RBFOX1: variants seen among roughly 807,000 people sequenced by gnomAD.
RBFOX1 encodes the protein RNA binding fox-1 homolog 1.
A neutral mutation model predicts 57.7 loss-of-function variants in RBFOX1; 8 were observed. The ratio of observed to expected loss-of-function variants is 0.14; its 90% confidence interval spans 0.08 to 0.25. The LOEUF (loss-of-function observed/expected upper bound fraction) is 0.25, where lower values mean the gene tolerates loss of function less well. Among genes scored for constraint, RBFOX1 ranks in the 10% least tolerant of loss-of-function variants. The pLI is 1.00. For missense variants in RBFOX1, 611 were observed against 548.5 expected (o/e 1.11, Z -1.14); for synonymous variants, 326 against 222.4 (o/e 1.47, Z -4.15).
In RBFOX1 at chr16:6,624,930, C is replaced by T. The variant is rs138820326; in HGVS notation, c.-63-29673C>T. Among the ~76,000 whole-genome samples the T allele has an allele frequency of 3.6e-4, 54 of 152,058 alleles. 1 individual carries two copies. In the East Asian group the frequency reaches 9.5e-3, roughly 27 times the overall value. On this transcript the variant is annotated intron_variant, in intron 2 of 15. Coordinates refer to ENST00000550418, the MANE Select transcript of RBFOX1 (RefSeq NM_018723.4). ...GTAATCCCAGCACTTTGGTCGAGGTCGAGGCAGGTGGATCACTTGAGGTCA... is the reference window on the plus strand; with the variant it reads ...GTAATCCCAGCACTTTGGTCGAGGTTGAGGCAGGTGGATCACTTGAGGTCA...
chr16:6,203,185 A>G (rs1369283468), intron 1 of RBFOX1, among the ~76,000 whole-genome samples: 3 of 152,130 alleles, frequency 2.0e-5, no homozygotes, highest in Non-Finnish European at 4.4e-5. Flanking sequence ...CTTACATTAT[A>G]CAGGAGTTCT....
chr16:7,544,256 T>G (rs181490403), intron 5 of RBFOX1, among the ~76,000 whole-genome samples: 56 of 152,310 alleles, frequency 3.7e-4, no homozygotes, highest in African/African-American at 1.2e-3. Flanking sequence ...AAAGGAGAAG[T>G]GAACGTTGGA....
At chr16:7,399,632 C>T (rs1364839804) in intron 4 of RBFOX1, among the ~76,000 whole-genome samples, 2 of 152,106 alleles carry the variant, frequency 1.3e-5, no homozygotes, top group Non-Finnish European at 2.9e-5. Flanking sequence ...TTTCTGCCTC[C>T]ATCTTCATAT....
intron 4 of RBFOX1, among the ~76,000 whole-genome samples, chr16:7,150,239 T>G (rs899307): frequency 3.9e-5 from 6 of 152,276 alleles, no homozygotes; most frequent in African/African-American, 1.2e-4. Flanking sequence ...CATTTAAATG[T>G]AAGAGGTAAA....
intron 2 of RBFOX1, among the ~76,000 whole-genome samples, chr16:6,477,513 T>C (rs372980658): frequency 2.0e-5 from 3 of 152,332 alleles, no homozygotes; most frequent in South Asian, 2.1e-4. Flanking sequence ...GTGTTAATAG[T>C]GGGCTTAAAA....
At chr16:6,628,347 A>G (rs1186166177) in intron 2 of RBFOX1, among the ~76,000 whole-genome samples, 1 of 152,230 alleles carries the variant, frequency 6.6e-6, no homozygotes, top group African/African-American at 2.4e-5. Flanking sequence ...GTATGTCCCA[A>G]CAGCAGGATG....
At chr16:7,574,705 A>G (rs2093152785) in intron 5 of RBFOX1, among the ~76,000 whole-genome samples, 1 of 152,118 alleles carries the variant, frequency 6.6e-6, no homozygotes, top group South Asian at 2.1e-4. Context: ...ACTGACTTGA[A>G]TGTTTATCTC....
At chr16:6,700,178 A>T (rs71374906) in intron 3 of RBFOX1, among the ~76,000 whole-genome samples, 11,288 of 152,036 alleles carry the variant, frequency 0.074, 532 homozygotes, top group African/African-American at 0.14. Context: ...GAGTCGGGGG[A>T]CTTACTCAAT....
intron 3 of RBFOX1, among the ~76,000 whole-genome samples, chr16:5,701,432 G>C (rs548946687): frequency 6.6e-6 from 1 of 152,160 alleles, no homozygotes; most frequent in East Asian, 1.9e-4. Context: ...CAGCTTTGTA[G>C]AGATCACAGA....
At chr16:5,583,322 A>G (rs78317505) in intron 2 of RBFOX1, among the ~76,000 whole-genome samples, 4,458 of 152,310 alleles carry the variant, frequency 0.029, 115 homozygotes, top group Middle Eastern at 0.044. Context: ...GCAGACAACA[A>G]TGAAAAGCTA....
intron 3 of RBFOX1, among the ~76,000 whole-genome samples, chr16:6,944,698 A>G (rs11862423): frequency 0.036 from 5,480 of 152,262 alleles, 324 homozygotes; most frequent in African/African-American, 0.12. Flanking sequence ...ATGGTTCAGT[A>G]CATGGTTTCC....
chr16:6,580,332 A>G (rs1219846764), intron 2 of RBFOX1, among the ~76,000 whole-genome samples: 1 of 152,184 alleles, frequency 6.6e-6, no homozygotes, highest in African/African-American at 2.4e-5. Flanking sequence ...CAGTTTGCTG[A>G]TAACTATTTC....
At chr16:6,604,900 C>G (rs2097905161) in intron 2 of RBFOX1, among the ~76,000 whole-genome samples, 1 of 152,072 alleles carries the variant, frequency 6.6e-6, no homozygotes, top group Non-Finnish European at 1.5e-5. Context: ...GTTTTGGAAC[C>G]TTAGGCAGGC....
intron 5 of RBFOX1, among the ~76,000 whole-genome samples, chr16:7,526,734 C>G (rs907676659): frequency 1.3e-5 from 2 of 152,208 alleles, no homozygotes; most frequent in Admixed American, 6.5e-5. Flanking sequence ...ATTTTAAGCA[C>G]TTTCCATGCA....
chr16:7,242,854 TGA>T (rs564303418), intron 4 of RBFOX1, among the ~76,000 whole-genome samples: 3 of 152,290 alleles, frequency 2.0e-5, no homozygotes, highest in Admixed American at 2.0e-4. Flanking sequence ...ACTGTGCTGG[TGA>T]GAGAGATATG....
At chr16:7,008,416 T>A (rs1018437523) in intron 3 of RBFOX1, among the ~76,000 whole-genome samples, 2 of 151,874 alleles carry the variant, frequency 1.3e-5, no homozygotes, top group Non-Finnish European at 2.9e-5. Flanking sequence ...GTGGCGCATC[T>A]GTAATTCCAG....
chr16:5,836,203 G>T (rs147478859), intron 3 of RBFOX1, among the ~76,000 whole-genome samples: 1 of 152,158 alleles, frequency 6.6e-6, no homozygotes, highest in Non-Finnish European at 1.5e-5. Context: ...CAGCTGGGGG[G>T]TGAGGCTGGG....
intron 4 of RBFOX1, among the ~76,000 whole-genome samples, chr16:7,174,607 C>G (rs1158659612): frequency 1.3e-5 from 2 of 151,980 alleles, no homozygotes; most frequent in Non-Finnish European, 2.9e-5. Context: ...GTGGTGAAAC[C>G]CCATCTCTAC....
At chr16:5,648,803 C>G (rs953245917) in intron 3 of RBFOX1, among the ~76,000 whole-genome samples, 55 of 152,316 alleles carry the variant, frequency 3.6e-4, no homozygotes, top group African/African-American at 1.2e-3. Context: ...CTGGCTCATG[C>G]CTGTAATCCC....
Sources: gnomAD v4.1 joint callset for allele counts (sites outside exome capture counted in the v4.1 genomes callset) on GRCh38, gnomAD v4.1.1 for gene constraint, MANE v1.5 for transcripts, NCBI Gene and HGNC (gene_info 2026-07-23, HGNC 2026-07-21) for gene names.